ATAD2B: variants seen among roughly 807,000 people sequenced by gnomAD.
The protein encoded by ATAD2B is ATPase family AAA domain containing 2B.
In ATAD2B, 40 loss-of-function variants were observed where a neutral mutation model predicts 167.6. That is an observed-to-expected ratio of 0.24 (90% confidence interval 0.19 to 0.31). The LOEUF (loss-of-function observed/expected upper bound fraction) is 0.31. ATAD2B is among the 10% of genes least tolerant of loss of function. The pLI is 1.00. For synonymous variants in ATAD2B, 579 were observed against 596.5 expected, an observed-to-expected ratio of 0.97 and a Z score of 0.43; for missense variants, 1,242 against 1,757.2, an observed-to-expected ratio of 0.71 and a Z score of 5.24.
chr2:23,756,822 T>C (rs1676005604), intron 25 of ATAD2B, among the ~76,000 whole-genome samples: 1 of 152,176 alleles, frequency 6.6e-6, no homozygotes, highest in South Asian at 2.1e-4. Context: ...TACCTTAGTA[T>C]GTGCCAGTTA....
intron 7 of ATAD2B, among the ~76,000 whole-genome samples, chr2:23,878,549 C>T (rs976747852): frequency 2.0e-5 from 3 of 151,828 alleles, no homozygotes; most frequent in African/African-American, 7.3e-5. Flanking sequence ...GTCCCAGCTA[C>T]TCGGGAGGCT....
At chr2:23,715,430 C>G in the ATAD2B span, among the ~76,000 whole-genome samples, 1 of 151,788 alleles carries the variant, frequency 6.6e-6, no homozygotes, top group African/African-American at 2.4e-5. Context: ...AAAAATTAGC[C>G]AGGCATGGTG....
intron 1 of ATAD2B, among the ~76,000 whole-genome samples, chr2:23,906,493 G>C (rs1350319639): frequency 6.6e-6 from 1 of 152,148 alleles, no homozygotes; most frequent in Non-Finnish European, 1.5e-5. Flanking sequence ...TTGGGGTGGA[G>C]AGTTCTGTAG....
intron 9 of ATAD2B, 50 bp from the exon 10 acceptor site, chr2:23,867,996 T>A: frequency 2.4e-6 from 3 of 1,244,106 alleles, no homozygotes; most frequent in Non-Finnish European, 3.5e-6. Flanking sequence ...TTTCACATTT[T>A]TAATGTCAAA....
intron 13 of ATAD2B, among the ~76,000 whole-genome samples, chr2:23,838,678 G>T (rs1288293207): frequency 1.3e-5 from 2 of 151,772 alleles, no homozygotes; most frequent in Non-Finnish European, 2.9e-5. Context: ...AGGAATCCAG[G>T]TTTTTTTTCC....
chr2:23,905,855 T>A lies in ATAD2B; in HGVS notation c.217-9885A>T, dbSNP rs565644511. Among the ~76,000 whole-genome samples, 199 of 152,302 alleles carry A rather than the reference T, an allele frequency of 1.3e-3. 1 individual carries two copies. Among genetic ancestry groups the A allele is most frequent in the Middle Eastern group, 3.4e-3 (1 of 294 alleles). ...CTAAAGATACTTAGCACTAAGGTAG[T>A]CCCTGCCTTTCATGGAAGTTAAAAT... On this transcript the variant is annotated intron_variant, in intron 1 of 27. Transcript: ENST00000238789.
At chr2:23,753,101 C>G (rs1675546392) in intron 27 of ATAD2B, among the ~76,000 whole-genome samples, 1 of 152,088 alleles carries the variant, frequency 6.6e-6, no homozygotes. Flanking sequence ...TTTTTTCCTT[C>G]CCTTTAAACA....
At chr2:23,915,659 T>C (rs1246877063) in intron 1 of ATAD2B, among the ~76,000 whole-genome samples, 2 of 139,774 alleles carry the variant, frequency 1.4e-5, no homozygotes, top group Non-Finnish European at 3.0e-5. Context: ...TGGCGCGATC[T>C]CAGCTCACTG....
intron 20 of ATAD2B, among the ~76,000 whole-genome samples, chr2:23,787,448 G>A (rs185382612): frequency 2.6e-5 from 4 of 151,928 alleles, no homozygotes; most frequent in Non-Finnish European, 4.4e-5. Context: ...AGATTAACAG[G>A]AAGCAACAAA....
intron 24 of ATAD2B, 132 bp downstream of exon 24, chr2:23,762,074 CTCT>C: frequency 1.2e-6 from 1 of 803,394 alleles, no homozygotes; most frequent in Non-Finnish European, 1.8e-6. Flanking sequence ...ACCTCACAAG[CTCT>C]TCTTCACCTC....
chr2:23,807,572 T>C (rs1684621736), intron 18 of ATAD2B, among the ~76,000 whole-genome samples: 1 of 151,960 alleles, frequency 6.6e-6, no homozygotes, highest in Non-Finnish European at 1.5e-5. Context: ...AAGATACTTC[T>C]TTGGGAGGCC....
At chr2:23,689,158 A>G in the ATAD2B span, 2 of 152,228 alleles carry the variant, frequency 1.3e-5, no homozygotes, top group Admixed American at 1.3e-4. Flanking sequence ...CCCCCATCAC[A>G]TTCCCCTGTG....
At chr2:23,766,201 A>T (rs551368128) in intron 22 of ATAD2B, among the ~76,000 whole-genome samples, 1 of 152,324 alleles carries the variant, frequency 6.6e-6, no homozygotes. Context: ...AAGCATAAAC[A>T]TGGTTCCAGG....
At chr2:23,877,704 T>C (rs1177731039) in intron 7 of ATAD2B, among the ~76,000 whole-genome samples, 3 of 149,742 alleles carry the variant, frequency 2.0e-5, no homozygotes, top group Non-Finnish European at 4.4e-5. Flanking sequence ...AAACCCCATC[T>C]GTAATAAAAA....
At chr2:23,757,384 A>C (rs1378666249) in intron 25 of ATAD2B, 34 bp downstream of exon 25, 1 of 1,442,314 alleles carries the variant, frequency 6.9e-7, no homozygotes, top group East Asian at 2.4e-5. Context: ...CTGGAGTTTA[A>C]ACCTTCAGAA....
Position 23,798,225 on chromosome 2 carries a change from A to G in ATAD2B, c.2553T>C (p.Phe851=), listed in dbSNP as rs1158748096. 1 of 1,609,196 alleles carries G rather than the reference A, an allele frequency of 6.2e-7. No homozygotes were observed. The highest frequency in any genetic ancestry group is 2.2e-5 in the East Asian group (1 of 44,816). The change falls in exon 19 of 28, where the codon TTT becomes TTC. Residue 851 remains phenylalanine (F), a synonymous_variant. Transcript: ENST00000238789. ...ATGGTATATCTTGTAGCAATGTCAGAAAAGTTGCTCTCACAGTTTCACTGA... is the reference window on the plus strand; with the variant it reads ...ATGGTATATCTTGTAGCAATGTCAGGAAAGTTGCTCTCACAGTTTCACTGA... ...EAVSETVRAT[F]LTLLQDIPSF...
At chr2:23,894,052 T>C (rs187938381) in intron 2 of ATAD2B, among the ~76,000 whole-genome samples, 1 of 152,124 alleles carries the variant, frequency 6.6e-6, no homozygotes, top group African/African-American at 2.4e-5. Context: ...ATTAGTTCAG[T>C]TTTTTACTCA....
At chr2:23,773,560 T>C (rs983601703) in intron 22 of ATAD2B, among the ~76,000 whole-genome samples, 3 of 152,210 alleles carry the variant, frequency 2.0e-5, no homozygotes, top group Non-Finnish European at 4.4e-5. Context: ...AGTTGAAAAC[T>C]GCACATGAAT....
chr2:23,880,562 CAAAAA>C, intron 7 of ATAD2B, 72 bp downstream of exon 7: 1 of 688,364 alleles, frequency 1.5e-6, no homozygotes, highest in South Asian at 1.8e-5. Context: ...GACTCTGTCT[CAAAAA>C]AAAAAAAAAG....
Sources: gnomAD v4.1 joint callset for allele counts (sites outside exome capture counted in the v4.1 genomes callset) on GRCh38, gnomAD v4.1.1 for gene constraint, MANE v1.5 for transcripts, NCBI Gene and HGNC (gene_info 2026-07-23, HGNC 2026-07-21) for gene names.